MBD5: variants seen among roughly 807,000 people sequenced by gnomAD.
The protein encoded by MBD5 is methyl-CpG-binding domain protein 5.
Under a neutral mutation model 117.3 loss-of-function variants are expected in MBD5, and 13 were observed. The observed-to-expected ratio is 0.11, with a 90% CI of 0.07 to 0.18. The LOEUF is 0.18. MBD5 is among the 10% of genes least tolerant of loss of function. The pLI, the probability that MBD5 is intolerant of heterozygous loss-of-function variation, is 1.00. For missense variants in MBD5, 1,879 were observed against 2,093.8 expected (o/e 0.90, Z 2.00); for synonymous variants, 727 against 766.4 (o/e 0.95, Z 0.85).
intron 2 of MBD5, among the ~76,000 whole-genome samples, chr2:148,201,170 C>G (rs1003164429): frequency 4.6e-5 from 7 of 152,128 alleles, no homozygotes; most frequent in Non-Finnish European, 7.3e-5. Flanking sequence ...AGCATGGATC[C>G]CACGGCTCCT....
intron 2 of MBD5, among the ~76,000 whole-genome samples, chr2:148,209,328 C>G (rs1383229602): frequency 6.6e-6 from 1 of 152,004 alleles, no homozygotes; most frequent in Non-Finnish European, 1.5e-5. Flanking sequence ...CCAATTAGAT[C>G]ATGAGGGCAG....
At chr2:148,345,573 A>G (rs1198141778) in intron 4 of MBD5, among the ~76,000 whole-genome samples, 1 of 75,324 alleles carries the variant, frequency 1.3e-5, no homozygotes, top group Non-Finnish European at 2.8e-5. Flanking sequence ...ACACGTATAC[A>G]CATACATATG....
chr2:148,296,850 G>A (rs558134332), intron 3 of MBD5, among the ~76,000 whole-genome samples: 2 of 86,436 alleles, frequency 2.3e-5, no homozygotes, highest in East Asian at 9.0e-4. Flanking sequence ...AGCATAGTTT[G>A]CTTTAGTTCT....
chr2:148,208,402 C>T lies in MBD5; in HGVS notation c.-830-24843C>T, dbSNP rs149942804. On this transcript the variant is annotated intron_variant, in intron 2 of 13. Transcript: ENST00000642680. ...CCAAGTAGCTGGGACTACAAGCATG[C>T]GCTCCAATGCCAGGCCAATTTTATT... 4.5e-3 allele frequency among the ~76,000 whole-genome samples: 678 copies of T among 152,080 alleles called. 5 individuals carry two copies. The highest frequency in any genetic ancestry group is 0.015 in the African/African-American group (641 of 41,494).
intron 1 of MBD5, among the ~76,000 whole-genome samples, chr2:148,023,126 C>T (rs1693809860): frequency 6.6e-6 from 1 of 150,822 alleles, no homozygotes. Flanking sequence ...ATCTCTGATC[C>T]CATAATTTAT....
intron 3 of MBD5, among the ~76,000 whole-genome samples, chr2:148,254,536 T>C (rs537546679): frequency 1.3e-5 from 2 of 152,078 alleles, no homozygotes; most frequent in African/African-American, 4.8e-5. Context: ...GCTGAGAGCA[T>C]AGCACCTCCC....
chr2:148,369,364 G>A (rs77198331), intron 4 of MBD5, among the ~76,000 whole-genome samples: 1,644 of 151,990 alleles, frequency 0.011, 14 homozygotes, highest in Non-Finnish European at 0.016. Context: ...ATTGAATAGC[G>A]TATGTAGATT....
At chr2:148,308,054 G>C (rs1701936247) in intron 3 of MBD5, among the ~76,000 whole-genome samples, 1 of 152,134 alleles carries the variant, frequency 6.6e-6, no homozygotes, top group African/African-American at 2.4e-5. Context: ...ATGGGCATTT[G>C]GGTTGGTTCC....
intron 3 of MBD5, among the ~76,000 whole-genome samples, chr2:148,311,253 G>A (rs1307575900): frequency 6.6e-6 from 1 of 152,148 alleles, no homozygotes; most frequent in Non-Finnish European, 1.5e-5. Flanking sequence ...GGGCATTAAA[G>A]TCTCCCACTA....
chr2:148,083,148 GTTC>G (rs1262991476), intron 1 of MBD5, among the ~76,000 whole-genome samples: 1 of 152,162 alleles, frequency 6.6e-6, no homozygotes, highest in Non-Finnish European at 1.5e-5. Flanking sequence ...TAAAACCTGT[GTTC>G]TTCTTTTGCG....
intron 4 of MBD5, among the ~76,000 whole-genome samples, chr2:148,363,999 C>T (rs1703621548): frequency 6.6e-6 from 1 of 152,092 alleles, no homozygotes; most frequent in East Asian, 1.9e-4. Flanking sequence ...CAGAGAACGC[C>T]ACAAAGATAC....
At chr2:148,264,090 G>T (rs1007407201) in intron 3 of MBD5, 1 of 152,184 alleles carries the variant, frequency 6.6e-6, no homozygotes, top group Admixed American at 6.6e-5. Flanking sequence ...ACATGTAGAT[G>T]TGGACCATGA....
chr2:148,106,210 G>C (rs1696369830), intron 1 of MBD5, among the ~76,000 whole-genome samples: 1 of 151,772 alleles, frequency 6.6e-6, no homozygotes, highest in Admixed American at 6.6e-5. Context: ...TTCAATTACT[G>C]ACCTACATTA....
At chr2:148,079,944 C>G (rs1336984687) in intron 1 of MBD5, among the ~76,000 whole-genome samples, 1 of 152,032 alleles carries the variant, frequency 6.6e-6, no homozygotes. Context: ...TCCAGAACCT[C>G]AAGGCTAGTT....
intron 4 of MBD5, among the ~76,000 whole-genome samples, chr2:148,453,199 GTACCCCTAGAGTT>G: frequency 6.6e-6 from 1 of 151,988 alleles, no homozygotes; most frequent in Admixed American, 6.6e-5. Flanking sequence ...GTGTGAGAGA[GTACCCCTAGAGTT>G]TACATTACAG....
At chr2:148,229,585 T>C (rs1273543433) in intron 2 of MBD5, among the ~76,000 whole-genome samples, 4 of 152,164 alleles carry the variant, frequency 2.6e-5, no homozygotes, top group Non-Finnish European at 4.4e-5. Context: ...ATTTAAGGGT[T>C]AGGTATTTAT....
Position 148,512,843 on chromosome 2 carries a change from G to GT in MBD5, c.5113-19dup, listed in dbSNP as rs574909229. 7.9e-5 allele frequency: 126 copies of GT among 1,591,038 alleles called. No homozygotes were observed. The Middle Eastern group carries it at 1.8e-3, about 23-fold the overall frequency. On this transcript the variant is annotated intron_variant, in intron 13 of 13. Coordinates refer to ENST00000642680, the MANE Select transcript of MBD5 (RefSeq NM_001378120.1). ...TGTGATTTCATCCTCTGTTGTTGTTGTTTTTTTTCTACCTTTTTATTTCCA... is the reference window on the plus strand; with the variant it reads ...TGTGATTTCATCCTCTGTTGTTGTTGTTTTTTTTTCTACCTTTTTATTTCCA...
intron 1 of MBD5, among the ~76,000 whole-genome samples, chr2:148,066,084 G>C (rs1310915032): frequency 6.6e-6 from 1 of 152,118 alleles, no homozygotes; most frequent in Non-Finnish European, 1.5e-5. Flanking sequence ...GGAGGCAAAG[G>C]GAGGAGGATC....
chr2:148,142,439 C>G (rs1346775638), intron 1 of MBD5, among the ~76,000 whole-genome samples: 1 of 152,036 alleles, frequency 6.6e-6, no homozygotes, highest in Non-Finnish European at 1.5e-5. Flanking sequence ...AGAGTTTCTT[C>G]AAAATTGTAA....
Sources: allele counts gnomAD v4.1 joint callset (sites outside exome capture counted in the v4.1 genomes callset), GRCh38; gene constraint gnomAD v4.1.1; transcripts MANE v1.5; gene names NCBI Gene and HGNC (gene_info 2026-07-23, HGNC 2026-07-21).